The following VWA8 variants were observed in gnomAD, a reference collection of about 807,000 sequenced individuals.
VWA8 encodes the protein von Willebrand factor A domain containing 8.
VWA8 carries 221 observed loss-of-function variants against 241.5 expected under a neutral mutation model. The ratio of observed to expected loss-of-function variants is 0.91; its 90% CI spans 0.82 to 1.02. The LOEUF is 1.02. Among genes scored for constraint, VWA8 ranks in the 50% least tolerant of loss-of-function variants. VWA8 has a pLI of 0.00. For synonymous variants in VWA8, 852 were observed against 827.1 expected (o/e 1.03, Z -0.52); for missense variants, 2,322 against 2,328.7 (o/e 1.00, Z 0.06).
chr13:41,894,328 C>T (rs1175466647), intron 4 of VWA8, among the ~76,000 whole-genome samples: 1 of 152,164 alleles, frequency 6.6e-6, no homozygotes, highest in African/African-American at 2.4e-5. Context: ...GCTAAATACA[C>T]AAGGTTTTTT....
At chr13:41,765,338 G>A (rs2045772180) in intron 20 of VWA8, among the ~76,000 whole-genome samples, 1 of 152,094 alleles carries the variant, frequency 6.6e-6, no homozygotes, top group Non-Finnish European at 1.5e-5. Flanking sequence ...ATTTGGTTTG[G>A]TTTCCCACCT....
intron 28 of VWA8, among the ~76,000 whole-genome samples, 161 bp downstream of exon 28, chr13:41,701,231 G>A (rs1042241647): frequency 6.6e-6 from 1 of 152,124 alleles, no homozygotes; most frequent in Admixed American, 6.6e-5. Context: ...TTTTTAGGTT[G>A]TTAGAGGAAA....
chr13:41,861,788 GA>G (rs1442467737), intron 12 of VWA8, among the ~76,000 whole-genome samples: 1 of 152,062 alleles, frequency 6.6e-6, no homozygotes, highest in Admixed American at 6.5e-5. Flanking sequence ...AAACACTGCT[GA>G]AAGAAATCAG....
chr13:41,627,613 T>C (rs932174961), intron 37 of VWA8, among the ~76,000 whole-genome samples: 4 of 152,166 alleles, frequency 2.6e-5, no homozygotes, highest in Admixed American at 6.5e-5. Context: ...TTTGGGTTCA[T>C]GGTGTTGCAA....
In VWA8 at chr13:41,811,224, C is replaced by A. The variant is rs373076758; in HGVS notation, c.2063+1G>T. On this transcript the variant is annotated splice_donor_variant, in intron 17 of 44. Transcript: ENST00000379310. LOFTEE classifies it high-confidence loss of function. ...CACGCAGTGAGAAAGAATATGTTTA[C>A]CTGGAAAGGCAGGCTTTAGTAACAG... 5 of 1,600,124 alleles carry A rather than the reference C, an allele frequency of 3.1e-6. No individual in the cohort carries two copies. The Admixed American group carries it at 6.7e-5, about 21-fold the overall frequency.
rs2045127874 is a variant in VWA8 at position 41,685,231 on chromosome 13, T to G, written c.4143A>C (p.Glu1381Asp). The change falls in exon 35 of 45, where the codon GAA becomes GAC. Residue 1381 changes from glutamate to aspartate, a missense_variant. Physicochemically the swap from Glu to Asp is conservative, Grantham distance 45. Transcript: ENST00000379310. Reference sequence around the variant, plus strand: ...ATGATGGTCTCTTCCAAGAATAAACTTCACTGGGTGACTGAAAAAAAGAAA... The same window carrying G: ...ATGATGGTCTCTTCCAAGAATAAACGTCACTGGGTGACTGAAAAAAAGAAA... ...VGFPDLMSPS[E>D]VYSWKRPSSL... 2 of 1,610,888 alleles carry G rather than the reference T, an allele frequency of 1.2e-6. No homozygotes were observed. The highest frequency in any genetic ancestry group is 1.7e-6 in the Non-Finnish European group (2 of 1,178,958).
chr13:41,768,276 A>G (rs1040592807), intron 20 of VWA8, among the ~76,000 whole-genome samples: 1 of 152,222 alleles, frequency 6.6e-6, no homozygotes. Context: ...TCATAGCAAC[A>G]TGGTATATTT....
intron 37 of VWA8, among the ~76,000 whole-genome samples, chr13:41,630,536 C>G (rs1310865287): frequency 2.0e-5 from 3 of 151,990 alleles, no homozygotes; most frequent in African/African-American, 7.2e-5. Context: ...ACCAAAGCCA[C>G]TCCCCCTCCC....
intron 41 of VWA8, 73 bp from the exon 42 acceptor site, chr13:41,587,743 A>C: frequency 8.3e-5 from 131 of 1,568,910 alleles, no homozygotes; most frequent in Non-Finnish European, 1.1e-4. Context: ...TGGGGATCTC[A>C]CAGAAGCTCC....
chr13:41,878,368 CAT>C (rs1874003237), intron 9 of VWA8, among the ~76,000 whole-genome samples: 1 of 151,580 alleles, frequency 6.6e-6, no homozygotes, highest in East Asian at 1.9e-4. Context: ...AAACAGACCA[CAT>C]AGACTTCCCA....
At chr13:41,584,546 G>T (rs761275655) in intron 42 of VWA8, among the ~76,000 whole-genome samples, 15 of 152,164 alleles carry the variant, frequency 9.9e-5, no homozygotes, top group Admixed American at 3.9e-4. Context: ...CCTTTGGTTG[G>T]AAAGATTTTA....
intron 25 of VWA8, among the ~76,000 whole-genome samples, chr13:41,720,402 C>T (rs2045380066): frequency 1.3e-5 from 2 of 152,094 alleles, no homozygotes; most frequent in Non-Finnish European, 2.9e-5. Flanking sequence ...TGATTTCTTT[C>T]CATATATTTT....
At chr13:41,858,614 A>G (rs1351406648) in intron 12 of VWA8, among the ~76,000 whole-genome samples, 1 of 152,012 alleles carries the variant, frequency 6.6e-6, no homozygotes, top group Non-Finnish European at 1.5e-5. Context: ...TTCATCTCAA[A>G]AAAAAAAAGA....
At chr13:41,832,276 G>A (rs988342981) in intron 13 of VWA8, among the ~76,000 whole-genome samples, 5 of 152,192 alleles carry the variant, frequency 3.3e-5, no homozygotes, top group Non-Finnish European at 5.9e-5. Context: ...TTCCAAGGTT[G>A]AGAACCTGAG....
chr13:41,656,578 C>G (rs1194160686), intron 37 of VWA8, among the ~76,000 whole-genome samples: 1 of 152,110 alleles, frequency 6.6e-6, no homozygotes, highest in Non-Finnish European at 1.5e-5. Flanking sequence ...TTTCTGCTCT[C>G]TGTATAATTA....
intron 19 of VWA8, among the ~76,000 whole-genome samples, chr13:41,782,482 C>T (rs11147861): frequency 0.2 from 30,691 of 152,048 alleles, 3,073 homozygotes; most frequent in Middle Eastern, 0.23. Context: ...GGCAAGTTTT[C>T]TTTCTACTTT....
chr13:41,944,642 A>G (rs1167637497), intron 2 of VWA8, among the ~76,000 whole-genome samples: 1 of 152,216 alleles, frequency 6.6e-6, no homozygotes, highest in Non-Finnish European at 1.5e-5. Flanking sequence ...GGTGAAAACC[A>G]GCAGCCTGGA....
chr13:41,583,361 G>C (rs535947717), intron 42 of VWA8, among the ~76,000 whole-genome samples: 1 of 152,060 alleles, frequency 6.6e-6, no homozygotes, highest in Non-Finnish European at 1.5e-5. Context: ...AAACAGCCTA[G>C]GGCCAGGTGC....
chr13:41,693,025 TTTTTA>T, intron 29 of VWA8, 53 bp from the exon 30 acceptor site: 2 of 1,395,880 alleles, frequency 1.4e-6, no homozygotes, highest in African/African-American at 1.5e-5. Flanking sequence ...TTTTTTTTTT[TTTTTA>T]AAGCAGCAAC....
Sources: allele counts gnomAD v4.1 joint callset (sites outside exome capture counted in the v4.1 genomes callset), GRCh38; gene constraint gnomAD v4.1.1; transcripts MANE v1.5; gene names NCBI Gene and HGNC (gene_info 2026-07-23, HGNC 2026-07-21).